Variants in AMOTL1 observed in about 807,000 individuals in gnomAD.
AMOTL1 encodes the protein angiomotin like 1.
A neutral mutation model predicts 102.9 loss-of-function variants in AMOTL1; 45 were observed. The ratio of observed to expected loss-of-function variants is 0.44; its 90% CI spans 0.34 to 0.56. The LOEUF (loss-of-function observed/expected upper bound fraction) is 0.56. AMOTL1 is among the 20% of genes least tolerant of loss of function. AMOTL1 has a pLI of 0.01. For synonymous variants in AMOTL1, 481 were observed against 484.7 expected (o/e 0.99, Z 0.10); for missense variants, 1,114 against 1,225.6 (o/e 0.91, Z 1.36).
rs1011400261 is a variant in AMOTL1, at chr11:94,853,892, T to G, written c.1795-41T>G. The G allele has an allele frequency of 2.5e-6, 4 of 1,587,366 alleles. No homozygotes were observed. The East Asian group carries it at 9.1e-5, about 36-fold the overall frequency. ...CCTCCACCCCAGCTTTGAGAATCAG[T>G]GGTCTAAATTCTGTGCTCTTTTTTA... On this transcript the variant is annotated intron_variant, in intron 7 of 12. Coordinates refer to ENST00000433060, the MANE Select transcript of AMOTL1 (RefSeq NM_130847.3).
intron 2 of AMOTL1, among the ~76,000 whole-genome samples, chr11:94,797,445 C>G (rs1342219653): frequency 6.6e-6 from 1 of 152,192 alleles, no homozygotes; most frequent in Non-Finnish European, 1.5e-5. Context: ...AGGCATTGGG[C>G]TTTGTTTTGG....
intron 3 of AMOTL1, among the ~76,000 whole-genome samples, chr11:94,741,685 C>G (rs4753147): frequency 0.12 from 17,608 of 151,826 alleles, 2,115 homozygotes; most frequent in African/African-American, 0.28. Flanking sequence ...ACTCTTCCTG[C>G]CACCCATTCT....
intron 6 of AMOTL1, among the ~76,000 whole-genome samples, chr11:94,837,673 T>G (rs1435563918): frequency 1.3e-5 from 2 of 152,202 alleles, no homozygotes; most frequent in Non-Finnish European, 2.9e-5. Flanking sequence ...GTTACTCAAT[T>G]TAGGCTCAAA....
intron 3 of AMOTL1, among the ~76,000 whole-genome samples, chr11:94,752,448 T>A (rs896267556): frequency 6.6e-6 from 1 of 152,238 alleles, no homozygotes; most frequent in Non-Finnish European, 1.5e-5. Context: ...AGGGATGGTT[T>A]GCTGTCTCTT....
intron 1 of AMOTL1, among the ~76,000 whole-genome samples, chr11:94,787,733 A>G (rs1951217180): frequency 1.5e-5 from 2 of 136,576 alleles, no homozygotes; most frequent in African/African-American, 2.6e-5. Context: ...AAAAAGATAC[A>G]AAACAAAATG....
chr11:94,848,338 G>T (rs1473430235), intron 6 of AMOTL1, among the ~76,000 whole-genome samples: 1 of 152,140 alleles, frequency 6.6e-6, no homozygotes, highest in African/African-American at 2.4e-5. Flanking sequence ...AGTGCAGTGG[G>T]TCACTGCAGT....
At chr11:94,846,389 C>T (rs1432105513) in intron 6 of AMOTL1, among the ~76,000 whole-genome samples, 21 of 152,172 alleles carry the variant, frequency 1.4e-4, no homozygotes, top group Admixed American at 1.2e-3. Flanking sequence ...TGACATTCAT[C>T]GGGAACTTAC....
chr11:94,856,059 T>TTTG (rs958100885), intron 8 of AMOTL1, among the ~76,000 whole-genome samples: 17 of 150,858 alleles, frequency 1.1e-4, no homozygotes, highest in Admixed American at 2.6e-4. Context: ...AACATTACAG[T>TTTG]TTGTTGTTGT....
intron 8 of AMOTL1, among the ~76,000 whole-genome samples, chr11:94,857,012 T>G (rs531872893): frequency 1.3e-5 from 2 of 152,260 alleles, no homozygotes; most frequent in South Asian, 4.1e-4. Context: ...ACGCTGAGGA[T>G]GAGCAGAGAG....
chr11:94,842,770 A>T (rs947916487), intron 6 of AMOTL1, among the ~76,000 whole-genome samples: 1 of 152,194 alleles, frequency 6.6e-6, no homozygotes, highest in African/African-American at 2.4e-5. Context: ...TTTCTGGCTG[A>T]GATGGGTTCA....
intron 1 of AMOTL1, among the ~76,000 whole-genome samples, chr11:94,712,615 T>A (rs139013073): frequency 6.6e-6 from 1 of 151,980 alleles, no homozygotes; most frequent in Admixed American, 6.6e-5. Flanking sequence ...CCAGAATCTC[T>A]AAAGAACTTA....
At chr11:94,731,262 A>T (rs887950733) in intron 2 of AMOTL1, among the ~76,000 whole-genome samples, 1 of 152,218 alleles carries the variant, frequency 6.6e-6, no homozygotes, top group Non-Finnish European at 1.5e-5. Context: ...TCCTGCAAAT[A>T]TGAAGGCATC....
chr11:94,729,149 G>A, intron 2 of AMOTL1: 1 of 919,988 alleles, frequency 1.1e-6, no homozygotes. Context: ...TGCCCACGCT[G>A]TTTGTCTTTT....
At chr11:94,758,409 A>G (rs1950753440) in intron 3 of AMOTL1, among the ~76,000 whole-genome samples, 1 of 152,210 alleles carries the variant, frequency 6.6e-6, no homozygotes, top group Admixed American at 6.5e-5. Flanking sequence ...TTGACTATCA[A>G]TGCCTAGAGA....
At chr11:94,724,281 C>G (rs1212645408) in intron 1 of AMOTL1, among the ~76,000 whole-genome samples, 3 of 152,154 alleles carry the variant, frequency 2.0e-5, no homozygotes, top group Admixed American at 6.5e-5. Flanking sequence ...CTCCTTCAAG[C>G]AGCCTTTGAA....
At chr11:94,775,399 G>A (rs972723375) in intron 1 of AMOTL1, among the ~76,000 whole-genome samples, 3 of 152,160 alleles carry the variant, frequency 2.0e-5, no homozygotes, top group Non-Finnish European at 2.9e-5. Context: ...AGGACCAAAG[G>A]AGAGCCCAGT....
intron 11 of AMOTL1, among the ~76,000 whole-genome samples, chr11:94,867,316 A>G (rs1435607993): frequency 3.9e-5 from 6 of 152,192 alleles, no homozygotes; most frequent in Non-Finnish European, 8.8e-5. Context: ...GACTGTCCCA[A>G]GGACATTTAG....
intron 1 of AMOTL1, among the ~76,000 whole-genome samples, chr11:94,779,049 G>C (rs1199857151): frequency 6.6e-6 from 1 of 152,038 alleles, no homozygotes; most frequent in African/African-American, 2.4e-5. Context: ...ATAATTATAA[G>C]CCTGCCTAAA....
At chr11:94,726,704 C>G (rs1250721468) in intron 1 of AMOTL1, among the ~76,000 whole-genome samples, 1 of 151,982 alleles carries the variant, frequency 6.6e-6, no homozygotes, top group Admixed American at 6.6e-5. Context: ...GGTTAAATAC[C>G]CAATAGAAAT....
Sources: gnomAD v4.1 joint callset for allele counts (sites outside exome capture counted in the v4.1 genomes callset) on GRCh38, gnomAD v4.1.1 for gene constraint, MANE v1.5 for transcripts, NCBI Gene and HGNC (gene_info 2026-07-23, HGNC 2026-07-21) for gene names.